The following TCP11L2 variants were observed in gnomAD, a reference collection of about 807,000 sequenced individuals.
The protein encoded by TCP11L2 is T-complex protein 11-like protein 2.
In TCP11L2, 39 loss-of-function variants were observed where a neutral mutation model predicts 50.7. The observed-to-expected ratio is 0.77, with a 90% CI of 0.60 to 1.01. The LOEUF is 1.01. TCP11L2 is among the 50% of genes least tolerant of loss of function. The probability of loss-of-function intolerance (pLI) is 0.00; values close to 1 mark genes in which losing one functional copy is unlikely to be tolerated. For missense variants in TCP11L2, 612 were observed against 614.7 expected (o/e 1.00, Z 0.05); for synonymous variants, 192 against 219.3 (o/e 0.88, Z 1.10).
intron 3 of TCP11L2, among the ~76,000 whole-genome samples, chr12:106,315,925 G>C (rs184558546): frequency 6.6e-6 from 1 of 152,332 alleles, no homozygotes; most frequent in East Asian, 1.9e-4. Flanking sequence ...AGACAACTTA[G>C]AATATTTGAT....
chr12:106,298,983 A>AT (rs1565829755), upstream of TCP11L2, among the ~76,000 whole-genome samples: 2 of 150,774 alleles, frequency 1.3e-5, no homozygotes, highest in Non-Finnish European at 3.0e-5. Context: ...TGCCTGGCTA[A>AT]TTTTTTGTAT....
intron 6 of TCP11L2, among the ~76,000 whole-genome samples, chr12:106,331,586 A>G (rs1401710169): frequency 1.3e-5 from 2 of 152,192 alleles, no homozygotes; most frequent in African/African-American, 2.4e-5. Context: ...AACGGTTCTA[A>G]GTGTTTTGCA....
chr12:106,341,041 T>C, intron 9 of TCP11L2, 43 bp downstream of exon 9: 2 of 1,541,232 alleles, frequency 1.3e-6, no homozygotes, highest in Non-Finnish European at 1.8e-6. Context: ...CAATTTGCTT[T>C]AACTTGCTGA....
chr12:106,301,762 C>A (rs982985058), upstream of TCP11L2, among the ~76,000 whole-genome samples: 28 of 152,306 alleles, frequency 1.8e-4, no homozygotes, highest in African/African-American at 6.0e-4. Flanking sequence ...TTGGGGGAAG[C>A]TTGTTTCTCT....
At chr12:106,337,072 G>C (rs894197581) in intron 8 of TCP11L2, among the ~76,000 whole-genome samples, 1 of 21,086 alleles carries the variant, frequency 4.7e-5, no homozygotes, top group Non-Finnish European at 8.8e-5. Flanking sequence ...TCCTATCTAA[G>C]TCAGAAATTC....
intron 1 of TCP11L2, among the ~76,000 whole-genome samples, chr12:106,309,395 C>G (rs1229422758): frequency 6.6e-6 from 1 of 152,024 alleles, no homozygotes; most frequent in Non-Finnish European, 1.5e-5. Context: ...ACTCCTTGCC[C>G]TTCAGCCTGC....
chr12:106,318,272 A>G lies in TCP11L2; in HGVS notation c.294-72A>G. ...TTTTACATTTTATAAGATTTCTACA[A>G]TGAGGATGTTTCTTTTATAATCAGG... On this transcript the variant is annotated intron_variant, in intron 3 of 9. Transcript: ENST00000299045. 13 of 1,516,924 alleles carry G rather than the reference A, an allele frequency of 8.6e-6. 1 individual carries two copies. The allele number at this position is 1,516,924 out of a possible 1,614,324, so 94.0% of individuals were successfully genotyped here.
chr12:106,329,622 C>G, intron 6 of TCP11L2: 1 of 1,316,796 alleles, frequency 7.6e-7, no homozygotes, highest in Non-Finnish European at 9.7e-7. Flanking sequence ...TTAAAGCTCC[C>G]CAGGTGATTC....
At chr12:106,314,587 GAGAGAGAGAGAGAGAC>G (rs2035007243) in intron 3 of TCP11L2, 94 bp downstream of exon 3, 5 of 954,776 alleles carry the variant, frequency 5.2e-6, no homozygotes, top group South Asian at 1.8e-5. Flanking sequence ...GAGAGAGAGA[GAGAGAGAGAGAGAGAC>G]AGAGAGAGAG....
intron 8 of TCP11L2, among the ~76,000 whole-genome samples, chr12:106,338,331 G>C (rs1042285458): frequency 6.6e-6 from 1 of 152,146 alleles, no homozygotes; most frequent in African/African-American, 2.4e-5. Context: ...CCACCTTTAA[G>C]TGTAGGAGCC....
chr12:106,307,267 C>T (rs745837369), intron 1 of TCP11L2: 2 of 152,158 alleles, frequency 1.3e-5, no homozygotes, highest in Non-Finnish European at 2.9e-5. Context: ...TATGACAGTA[C>T]TTTTCTTTGA....
At chr12:106,333,754 C>T (rs2035820771) in intron 6 of TCP11L2, among the ~76,000 whole-genome samples, 1 of 152,112 alleles carries the variant, frequency 6.6e-6, no homozygotes, top group African/African-American at 2.4e-5. Flanking sequence ...ATAGTCTTGA[C>T]ATTAAAGAAT....
At chr12:106,306,445 A>G (rs1023967788) in intron 1 of TCP11L2, among the ~76,000 whole-genome samples, 16 of 152,222 alleles carry the variant, frequency 1.1e-4, no homozygotes, top group Non-Finnish European at 2.2e-4. Flanking sequence ...GTACATTTCA[A>G]CTTCAGTATA....
chr12:106,319,341 C>G (rs989431644), intron 4 of TCP11L2, among the ~76,000 whole-genome samples: 2 of 152,188 alleles, frequency 1.3e-5, no homozygotes, highest in Non-Finnish European at 2.9e-5. Flanking sequence ...AATTTGGGGA[C>G]AGAGGAAAAC....
Sources: allele counts gnomAD v4.1 joint callset (sites outside exome capture counted in the v4.1 genomes callset), GRCh38; gene constraint gnomAD v4.1.1; transcripts MANE v1.5; gene names NCBI Gene and HGNC (gene_info 2026-07-23, HGNC 2026-07-21).